Variants in IL2 observed in about 807,000 individuals in gnomAD.
IL2 encodes interleukin-2.
IL2 carries 3 observed loss-of-function variants against 14.6 expected under a neutral mutation model. The ratio of observed to expected loss-of-function variants is 0.21; its 90% CI spans 0.09 to 0.53. IL2 has a LOEUF of 0.53. IL2 is among the 20% of genes least tolerant of loss of function. The probability of loss-of-function intolerance (pLI) is 0.95; values close to 1 mark genes in which losing one functional copy is unlikely to be tolerated. For missense variants in IL2, 125 were observed against 170.8 expected, an observed-to-expected ratio of 0.73 and a Z score of 1.50; for synonymous variants, 71 against 60.0, an observed-to-expected ratio of 1.18 and a Z score of -0.85.
At chr4:122,455,886 G>A (rs1450261973) in intron 2 of IL2, among the ~76,000 whole-genome samples, 1 of 151,688 alleles carries the variant, frequency 6.6e-6, no homozygotes, top group African/African-American at 2.4e-5. Flanking sequence ...GAACATTTTT[G>A]TTTAGAATTG....
At chr4:122,454,575 C>T (rs1797711421) in intron 2 of IL2, among the ~76,000 whole-genome samples, 1 of 151,730 alleles carries the variant, frequency 6.6e-6, no homozygotes, top group Admixed American at 6.6e-5. Flanking sequence ...GGCCCATTTA[C>T]TTCTCACAGT....
intron 3 of IL2, 33 bp downstream of exon 3, chr4:122,453,677 A>G (rs76583364): frequency 1.4e-6 from 2 of 1,446,416 alleles, no homozygotes; most frequent in Non-Finnish European, 1.8e-6. Context: ...TTTTTTTTTT[A>G]TTTCCAGGAG....
At position 122,456,398 on chromosome 4, in the gene IL2, C is replaced by T. The variant is rs1308709578; in HGVS notation, c.43G>A (p.Ala15Thr). Residue 15 changes from alanine (A) to threonine (T), a missense_variant, in exon 1 of 4, where the codon GCA becomes ACA. By Grantham distance (58) the Ala-to-Thr change is moderately conservative. Coordinates refer to ENST00000226730, the MANE Select transcript of IL2 (RefSeq NM_000586.4). ...GTAGGTGCACTGTTTGTGACAAGTG[C>T]AAGACTTAGTGCAATGCAAGACAGG... ...QLLSCIALSL[A>T]LVTNSAPTSS... 1 of 1,612,228 alleles carries T rather than the reference C, an allele frequency of 6.2e-7. No individual in the cohort carries two copies. Among genetic ancestry groups the T allele is most frequent in the Non-Finnish European group, 8.5e-7 (1 of 1,178,794 alleles).
chr4:122,456,624 T>A lies in IL2; in HGVS notation c.-184A>T, dbSNP rs1797732305. 4.0e-6 allele frequency: 2 copies of A among 503,712 alleles called. No homozygotes were observed. The highest frequency in any genetic ancestry group is 7.3e-5 in the South Asian group (2 of 27,488). The allele number at this position is 503,712 out of a possible 1,614,324, so 31.2% of individuals were successfully genotyped here. On this transcript the variant is annotated 5_prime_UTR_variant, in exon 1 of 4. Transcript: ENST00000226730. Reference sequence around the variant, plus strand: ...GAAAAAACATTACCTTCATTTTTCCTCTTCTGATGACTCTTTGGAATTTCT... The same window carrying A: ...GAAAAAACATTACCTTCATTTTTCCACTTCTGATGACTCTTTGGAATTTCT...
intron 3 of IL2, among the ~76,000 whole-genome samples, chr4:122,453,022 A>G (rs185526601): frequency 6.6e-6 from 1 of 152,022 alleles, no homozygotes; most frequent in East Asian, 1.9e-4. Context: ...ACTTTTAGGA[A>G]TGTCTTTTAC....
At chr4:122,455,903 C>T (rs1263117418) in intron 2 of IL2, among the ~76,000 whole-genome samples, 2 of 151,686 alleles carry the variant, frequency 1.3e-5, no homozygotes, top group African/African-American at 4.8e-5. Context: ...ATTGTCTTAT[C>T]GATAAAGTGA....
intron 2 of IL2, 110 bp from the exon 3 acceptor site, chr4:122,453,963 G>T: frequency 4.3e-6 from 4 of 921,130 alleles, no homozygotes; most frequent in Non-Finnish European, 4.8e-6. Flanking sequence ...CATTCTCTCT[G>T]TTCTCAATGT....
intron 2 of IL2, among the ~76,000 whole-genome samples, chr4:122,454,458 T>C (rs1797710209): frequency 6.6e-6 from 1 of 151,808 alleles, no homozygotes; most frequent in Non-Finnish European, 1.5e-5. Flanking sequence ...AATAAAAAAT[T>C]ATAATACTTT....
chr4:122,453,730 C>G lies in IL2; in HGVS notation c.331G>C (p.Val111Leu), dbSNP rs756737575. The G allele has an allele frequency of 1.2e-5, 19 of 1,608,678 alleles. No individual in the cohort carries two copies. The highest frequency in any genetic ancestry group is 1.6e-5 in the Non-Finnish European group (19 of 1,177,332). Residue 111 changes from valine to leucine, a missense_variant, in exon 3 of 4, where the codon GTA (valine) becomes CTA (leucine). By Grantham distance (32) the Val-to-Leu change is conservative. Coordinates refer to ENST00000226730, the MANE Select transcript of IL2 (RefSeq NM_000586.4). ...RPRDLISNIN[V>L]IVLELKGSET... ...CTTACCTTTAGTTCCAGAACTATTA[C>G]GTTGATATTGCTGATTAAGTCCCTG...
rs1263105503 is a variant in IL2 at position 122,456,339 on chromosome 4, C to A, written c.102G>T (p.Leu34=). 2 of 1,611,318 alleles carry A rather than the reference C, an allele frequency of 1.2e-6. No individual in the cohort carries two copies. The highest frequency in any genetic ancestry group is 1.7e-5 in the Admixed American group (1 of 59,728). The change falls in exon 1 of 4, where the codon CTG becomes CTT. Residue 34 remains leucine (L), a synonymous_variant. Coordinates refer to ENST00000226730, the MANE Select transcript of IL2 (RefSeq NM_000586.4). ...SSSTKKTQLQ[L]EHLLLDLQMI... ...TCTGTAAATCCAGCAGTAAATGCTC[C>A]AGTTGTAGCTGTGTTTTCTTTGTAG... is the stretch of plus-strand genomic sequence containing the variant.
intron 3 of IL2, among the ~76,000 whole-genome samples, chr4:122,452,336 A>G (rs1797685242): frequency 1.3e-5 from 2 of 152,114 alleles, no homozygotes; most frequent in Middle Eastern, 3.4e-3. Flanking sequence ...ATTTTCCCCA[A>G]AGCAGAACAG....
rs1374150577 is a variant in IL2 at position 122,456,135 on chromosome 4, TG to T, written c.207+8del. 6.3e-7 allele frequency: 1 copy of T among 1,581,140 alleles called. No homozygotes were observed. Among genetic ancestry groups the T allele is most frequent in the Admixed American group, 1.7e-5 (1 of 59,580 alleles). On this transcript the variant is annotated splice_region_variant and intron_variant, in intron 2 of 3. Transcript: ENST00000226730. ...AAAACAGAAATTGAACATAAAATATTGTACTTACCTTCTTGGGCATGTAAAA... is the reference window on the plus strand; with the variant it reads ...AAAACAGAAATTGAACATAAAATATTTACTTACCTTCTTGGGCATGTAAAA...
chr4:122,456,038 G>A (rs1178383786), intron 2 of IL2, 106 bp downstream of exon 2: 7 of 727,754 alleles, frequency 9.6e-6, no homozygotes, highest in African/African-American at 1.8e-5. Flanking sequence ...ACAAATTAAA[G>A]TTACTCTTTA....
intron 3 of IL2, among the ~76,000 whole-genome samples, chr4:122,453,217 T>G (rs1444760766): frequency 6.6e-6 from 1 of 151,806 alleles, no homozygotes; most frequent in Non-Finnish European, 1.5e-5. Context: ...CTAAAAAGAT[T>G]GTTGTTTGTT....
chr4:122,456,282 A>T lies in IL2; in HGVS notation c.147+12T>A. ...AATGTAATAATTTTAGTAAGAAAGG[A>T]AATATACTTACATTAATTCCATTCA... is the stretch of plus-strand genomic sequence containing the variant. On this transcript the variant is annotated intron_variant, in intron 1 of 3. Coordinates refer to ENST00000226730, the MANE Select transcript of IL2 (RefSeq NM_000586.4). The T allele has an allele frequency of 1.2e-6, 2 of 1,602,430 alleles. No homozygotes were observed. Among genetic ancestry groups the T allele is most frequent in the Non-Finnish European group, 8.5e-7 (1 of 1,170,230 alleles).
At chr4:122,453,675 T>TTTTTTTTTGTTTTG in intron 3 of IL2, 35 bp downstream of exon 3, 1 of 1,542,058 alleles carries the variant, frequency 6.5e-7, no homozygotes, top group Non-Finnish European at 8.7e-7. Context: ...TTTTTTTTTT[T>TTTTTTTTTGTTTTG]TATTTCCAGG....
intron 3 of IL2, 62 bp downstream of exon 3, chr4:122,453,645 TGTG>T (rs1797698389): frequency 7.3e-7 from 1 of 1,371,268 alleles, no homozygotes; most frequent in South Asian, 1.3e-5. Context: ...CACTTTAAAA[TGTG>T]GTACTTTTCC....
rs1797731917 is a variant in IL2 at position 122,456,550 on chromosome 4, G to A, written c.-110C>T. 3 of 813,396 alleles carry A rather than the reference G, an allele frequency of 3.7e-6. No homozygotes were observed. Among genetic ancestry groups the A allele is most frequent in the Admixed American group, 2.6e-5 (1 of 37,842 alleles). The allele number at this position is 813,396 out of a possible 1,614,324, so 50.4% of individuals were successfully genotyped here. On this transcript the variant is annotated 5_prime_UTR_variant, in exon 1 of 4. Transcript: ENST00000226730. ...AATTCTGGAAAAATATTATGGGGGT[G>A]TCAAAATGTTTTACATATTACACAT...
In IL2 at chr4:122,456,222, T is replaced by C. The variant is rs755006672; in HGVS notation, c.148-19A>G. 2.9e-5 allele frequency: 47 copies of C among 1,604,120 alleles called. No homozygotes were observed. The South Asian group carries it at 5.0e-4, about 17-fold the overall frequency. ...TGTAATTCTAAGAAAGTATAATGCA[T>C]TGTTATTAAGAAATGATCTCCAGCT... On this transcript the variant is annotated intron_variant, in intron 1 of 3. Coordinates refer to ENST00000226730, the MANE Select transcript of IL2 (RefSeq NM_000586.4).
Sources: gnomAD v4.1 joint callset for allele counts (sites outside exome capture counted in the v4.1 genomes callset) on GRCh38, gnomAD v4.1.1 for gene constraint, MANE v1.5 for transcripts, NCBI Gene and HGNC (gene_info 2026-07-23, HGNC 2026-07-21) for gene names.